AQP9: variants seen among roughly 807,000 people sequenced by gnomAD.
The protein encoded by AQP9 is aquaporin 9, also known as aquaporin-9.
In AQP9, 19 loss-of-function variants were observed where a neutral mutation model predicts 23.8. That is an observed-to-expected ratio of 0.80 (90% confidence interval 0.56 to 1.17). AQP9 has a LOEUF of 1.17. Among genes scored for constraint, AQP9 ranks in the 50% most tolerant of loss-of-function variants. The pLI is 0.00. For missense variants in AQP9, 413 were observed against 362.0 expected (o/e 1.14, Z -1.14); for synonymous variants, 153 against 131.5 (o/e 1.16, Z -1.12).
chr15:58,155,156 T>C (rs1158189249), intron 1 of AQP9: 3 of 152,262 alleles, frequency 2.0e-5, no homozygotes, highest in Admixed American at 2.0e-4. Flanking sequence ...TTCTCTTCAA[T>C]CACCAATATC....
chr15:58,173,351 C>T, intron 3 of AQP9, 146 bp downstream of exon 3: 2 of 1,176,476 alleles, frequency 1.7e-6, no homozygotes, highest in Non-Finnish European at 2.4e-6. Flanking sequence ...AAAATGAGGC[C>T]ATATTACCAT....
chr15:58,176,201 C>G (rs117704624), intron 4 of AQP9, among the ~76,000 whole-genome samples: 2,659 of 152,108 alleles, frequency 0.017, 28 homozygotes, highest in Non-Finnish European at 0.029. Context: ...GAGCATTGAA[C>G]AAGGAAACAA....
At chr15:58,181,635 T>C (rs927813195) in intron 5 of AQP9, among the ~76,000 whole-genome samples, 3 of 152,188 alleles carry the variant, frequency 2.0e-5, no homozygotes, top group Non-Finnish European at 2.9e-5. Flanking sequence ...TGTCAGATCA[T>C]AGAGGACCTG....
intron 1 of AQP9, among the ~76,000 whole-genome samples, chr15:58,163,004 A>C (rs572577551): frequency 1.1e-3 from 161 of 152,348 alleles, no homozygotes; most frequent in African/African-American, 3.8e-3. Flanking sequence ...TGATATTCAG[A>C]GTTACCATTG....
At chr15:58,180,201 G>A (rs1898851131) in intron 5 of AQP9, among the ~76,000 whole-genome samples, 1 of 152,170 alleles carries the variant, frequency 6.6e-6, no homozygotes, top group Non-Finnish European at 1.5e-5. Flanking sequence ...TGGGGAAGGA[G>A]CTCACTTTGG....
intron 5 of AQP9, among the ~76,000 whole-genome samples, 194 bp downstream of exon 5, chr15:58,179,539 A>AAG (rs561331519): frequency 6.2e-5 from 7 of 113,798 alleles, no homozygotes; most frequent in Non-Finnish European, 1.2e-4. Flanking sequence ...GTGTGTGTGA[A>AAG]AGAGAGAGAG....
chr15:58,170,850 T>C (rs957782968), intron 2 of AQP9, among the ~76,000 whole-genome samples: 17 of 152,116 alleles, frequency 1.1e-4, no homozygotes, highest in Admixed American at 9.8e-4. Context: ...GAAGACGAAA[T>C]TGTTAAACAA....
rs530907694 is a variant in AQP9, at chr15:58,175,025, T to C, written c.484T>C (p.Phe162Leu). 6.2e-7 allele frequency: 1 copy of C among 1,612,876 alleles called. No homozygotes were observed. Among genetic ancestry groups the C allele is most frequent in the South Asian group, 1.1e-5 (1 of 91,058 alleles). ...PAPYLSLANA[F>L]ADQVVATMIL... ...TCCGTATCTATCTCTGGCGAACGCA[T>C]TTGCAGATCAAGTAAGTGTAGATTC... is the stretch of plus-strand genomic sequence containing the variant. The change falls in exon 4 of 6, where the codon TTT becomes CTT. Residue 162 changes from phenylalanine (F) to leucine (L), a missense_variant. Phe to Leu is a conservative substitution (Grantham distance 22, BLOSUM62 0). Coordinates refer to ENST00000219919, the MANE Select transcript of AQP9 (RefSeq NM_020980.5).
At chr15:58,140,405 G>A (rs1234807183) in intron 1 of AQP9, among the ~76,000 whole-genome samples, 4 of 152,052 alleles carry the variant, frequency 2.6e-5, no homozygotes, top group African/African-American at 9.7e-5. Flanking sequence ...ATTAAAACTT[G>A]TATGTTCTGG....
At chr15:58,155,099 C>A (rs147009905) in intron 1 of AQP9, 1 of 152,392 alleles carries the variant, frequency 6.6e-6, no homozygotes, top group African/African-American at 2.4e-5. Flanking sequence ...CAAATCACTA[C>A]CAGATTATTT....
intron 1 of AQP9, among the ~76,000 whole-genome samples, chr15:58,161,977 GA>G (rs765574741): frequency 5.4e-4 from 82 of 151,368 alleles, no homozygotes; most frequent in African/African-American, 1.8e-3. Context: ...CTGTTACAGA[GA>G]AAAAAAAAGT....
At chr15:58,146,855 C>T (rs1458457749) in intron 1 of AQP9, 2 of 152,222 alleles carry the variant, frequency 1.3e-5, no homozygotes, top group Non-Finnish European at 2.9e-5. Context: ...CCCAAAAGAA[C>T]GGCACTCTGT....
At chr15:58,174,862 G>A (rs1194328480) in intron 3 of AQP9, 56 bp from the exon 4 acceptor site, 9 of 1,459,226 alleles carry the variant, frequency 6.2e-6, no homozygotes, top group African/African-American at 2.8e-5. Context: ...CTTGGCACAG[G>A]CCTCCTTCAA....
At chr15:58,173,265 A>G in intron 3 of AQP9, 60 bp downstream of exon 3, 1 of 1,603,916 alleles carries the variant, frequency 6.2e-7, no homozygotes, top group South Asian at 1.1e-5. Context: ...GAAAGTCAGA[A>G]TTACTTGGTA....
Position 58,174,913 on chromosome 15 carries a change from C to T in AQP9, c.377-5C>T. On this transcript the variant is annotated splice_polypyrimidine_tract_variant and splice_region_variant and intron_variant, in intron 3 of 5. Transcript: ENST00000219919. ...ACTAATGTGCCAGAGCTTTCTCTTTCATAGATGGACTTATGTCCTTTGCTG... is the reference window on the plus strand; with the variant it reads ...ACTAATGTGCCAGAGCTTTCTCTTTTATAGATGGACTTATGTCCTTTGCTG... 6.2e-7 allele frequency: 1 copy of T among 1,612,664 alleles called. No individual in the cohort carries two copies.
At chr15:58,172,361 T>C (rs1337016247) in intron 2 of AQP9, among the ~76,000 whole-genome samples, 1 of 152,114 alleles carries the variant, frequency 6.6e-6, no homozygotes, top group Non-Finnish European at 1.5e-5. Flanking sequence ...CTGGGGATGT[T>C]AGAGACCAAC....
chr15:58,166,820 A>G, intron 2 of AQP9, 21 bp downstream of exon 2: 1 of 1,611,744 alleles, frequency 6.2e-7, no homozygotes, highest in Non-Finnish European at 8.5e-7. Context: ...GAAATAATGA[A>G]TGCTGCTCTT....
intron 2 of AQP9, among the ~76,000 whole-genome samples, chr15:58,172,496 T>C (rs1490672737): frequency 6.6e-6 from 1 of 152,196 alleles, no homozygotes; most frequent in African/African-American, 2.4e-5. Context: ...GAGAAATGCA[T>C]TGTTTATGCA....
intron 1 of AQP9, chr15:58,151,548 C>G (rs1898149762): frequency 6.6e-6 from 1 of 152,026 alleles, no homozygotes; most frequent in African/African-American, 2.4e-5. Context: ...GTAATTCTAG[C>G]AAGCCAACAT....
Sources: gnomAD v4.1 joint callset for allele counts (sites outside exome capture counted in the v4.1 genomes callset) on GRCh38, gnomAD v4.1.1 for gene constraint, MANE v1.5 for transcripts, NCBI Gene and HGNC (gene_info 2026-07-23, HGNC 2026-07-21) for gene names.